CNTNAP5: variants seen among roughly 807,000 people sequenced by gnomAD.
CNTNAP5 encodes contactin-associated protein-like 5.
A neutral mutation model predicts 150.2 loss-of-function variants in CNTNAP5; 72 were observed. The observed-to-expected ratio is 0.48, with a 90% CI of 0.40 to 0.58. The LOEUF is 0.58. CNTNAP5 is among the 20% of genes least tolerant of loss of function. The pLI is 0.00. For missense variants in CNTNAP5, 1,636 were observed against 1,626.2 expected, an observed-to-expected ratio of 1.01 and a Z score of -0.10; for synonymous variants, 672 against 619.8, an observed-to-expected ratio of 1.08 and a Z score of -1.25.
chr2:124,528,808 G>T (rs1308247070), intron 10 of CNTNAP5, among the ~76,000 whole-genome samples: 1 of 152,088 alleles, frequency 6.6e-6, no homozygotes, highest in Non-Finnish European at 1.5e-5. Context: ...TCAAGAAGAA[G>T]TGAGAAAGGT....
At chr2:124,383,016 T>C (rs918379656) in intron 3 of CNTNAP5, among the ~76,000 whole-genome samples, 1 of 152,184 alleles carries the variant, frequency 6.6e-6, no homozygotes, top group Non-Finnish European at 1.5e-5. Flanking sequence ...ACAAACCCGC[T>C]GCGAAGTTGC....
At chr2:124,750,674 GTGGT>G (rs1283579077) in intron 14 of CNTNAP5, among the ~76,000 whole-genome samples, 5 of 152,018 alleles carry the variant, frequency 3.3e-5, no homozygotes, top group African/African-American at 1.2e-4. Context: ...AAAAGTAATG[GTGGT>G]TTTTGTCATT....
rs1458393951 is a variant in CNTNAP5, at chr2:124,261,523, T to C, written c.381+19130T>C. ...GAAGCAGCAGCAGCAGTAGCATCGA[T>C]AGCATTTCCCAATACCCCTACTCCT... is the stretch of plus-strand genomic sequence containing the variant. On this transcript the variant is annotated intron_variant, in intron 3 of 23. Coordinates refer to ENST00000682447, the MANE Select transcript of CNTNAP5 (RefSeq NM_001367498.1). Among the ~76,000 whole-genome samples, 6 of 152,170 alleles carry C rather than the reference T, an allele frequency of 3.9e-5. No individual in the cohort carries two copies. The South Asian group carries it at 8.3e-4, about 21-fold the overall frequency.
chr2:124,305,072 C>T (rs11686914), intron 3 of CNTNAP5, among the ~76,000 whole-genome samples: 1 of 142,954 alleles, frequency 7.0e-6, no homozygotes. Context: ...TTAAGACCAG[C>T]CTGGGCAATA....
chr2:124,667,035 G>T (rs6750530), intron 13 of CNTNAP5, among the ~76,000 whole-genome samples: 84,226 of 151,972 alleles, frequency 0.55, 23,910 homozygotes, highest in Non-Finnish European at 0.62. Flanking sequence ...GGGGAAACAT[G>T]AGCAATGATT....
At chr2:124,555,429 C>A (rs1695729891) in intron 10 of CNTNAP5, among the ~76,000 whole-genome samples, 1 of 152,172 alleles carries the variant, frequency 6.6e-6, no homozygotes, top group South Asian at 2.1e-4. Flanking sequence ...CCACAGTTGG[C>A]TGACCATGAA....
intron 13 of CNTNAP5, among the ~76,000 whole-genome samples, chr2:124,715,017 C>T (rs1281103763): frequency 6.6e-6 from 1 of 152,132 alleles, no homozygotes; most frequent in African/African-American, 2.4e-5. Flanking sequence ...GACAGGACTA[C>T]CATGAATAAG....
At chr2:124,464,502 CA>C in intron 6 of CNTNAP5, among the ~76,000 whole-genome samples, 1 of 152,078 alleles carries the variant, frequency 6.6e-6, no homozygotes, top group Non-Finnish European at 1.5e-5. Flanking sequence ...AAAAATAAGG[CA>C]TGATATGTAC....
chr2:124,911,448 T>C lies in CNTNAP5; in HGVS notation c.3656-19T>C, dbSNP rs144677444. On this transcript the variant is annotated intron_variant, in intron 22 of 23. Transcript: ENST00000682447. ...GCTTTGAGTGAGAAGTAAAGTCCCA[T>C]GTCTTTTACTCCTTTCAGATCCTTT... 2.6e-4 allele frequency: 402 copies of C among 1,564,994 alleles called. 2 individuals are homozygous for C. In the African/African-American group the frequency reaches 5.0e-3, roughly 19 times the overall value.
At chr2:124,703,277 T>G (rs1042725323) in intron 13 of CNTNAP5, among the ~76,000 whole-genome samples, 3 of 151,910 alleles carry the variant, frequency 2.0e-5, no homozygotes, top group Non-Finnish European at 4.4e-5. Context: ...CTGTCTGCCT[T>G]CCTTCCTTAT....
In CNTNAP5 at chr2:124,492,650, T is replaced by C. The variant is rs79928634; in HGVS notation, c.1063-11642T>C. ...AATTTGATAGGGATTATATTAAATATACAGATGACTTTGGGTAGTATGAAC... is the reference window on the plus strand; with the variant it reads ...AATTTGATAGGGATTATATTAAATACACAGATGACTTTGGGTAGTATGAAC... On this transcript the variant is annotated intron_variant, in intron 7 of 23. Coordinates refer to ENST00000682447, the MANE Select transcript of CNTNAP5 (RefSeq NM_001367498.1). Among the ~76,000 whole-genome samples the C allele has an allele frequency of 9.2e-5, 14 of 152,326 alleles. No individual in the cohort carries two copies. The East Asian group carries it at 2.7e-3, about 29-fold the overall frequency.
chr2:124,085,600 T>G (rs1682669106), intron 1 of CNTNAP5, among the ~76,000 whole-genome samples: 1 of 152,206 alleles, frequency 6.6e-6, no homozygotes, highest in Non-Finnish European at 1.5e-5. Context: ...GCTTGCAGCT[T>G]GGATGATTGA....
chr2:124,548,441 A>G (rs1204445569), intron 10 of CNTNAP5, among the ~76,000 whole-genome samples: 1 of 152,214 alleles, frequency 6.6e-6, no homozygotes, highest in South Asian at 2.1e-4. Flanking sequence ...ACTCCATGAA[A>G]CCAGGTTTGC....
chr2:124,477,023 C>T (rs1010572348), intron 7 of CNTNAP5, among the ~76,000 whole-genome samples: 4 of 152,116 alleles, frequency 2.6e-5, no homozygotes, highest in Middle Eastern at 3.4e-3. Context: ...TTTATATATC[C>T]TTTATTTCTT....
chr2:124,563,562 C>G (rs1443693547), intron 11 of CNTNAP5, among the ~76,000 whole-genome samples: 1 of 152,146 alleles, frequency 6.6e-6, no homozygotes, highest in Non-Finnish European at 1.5e-5. Context: ...GAGATCATGA[C>G]AGTACAGTTG....
At chr2:124,751,085 G>A (rs1341614122) in intron 14 of CNTNAP5, among the ~76,000 whole-genome samples, 1 of 151,494 alleles carries the variant, frequency 6.6e-6, no homozygotes, top group Non-Finnish European at 1.5e-5. Flanking sequence ...AGAGAAATAA[G>A]CACAGATGTG....
At chr2:124,416,461 G>A (rs983605510) in intron 3 of CNTNAP5, among the ~76,000 whole-genome samples, 3 of 151,632 alleles carry the variant, frequency 2.0e-5, no homozygotes, top group Non-Finnish European at 4.4e-5. Flanking sequence ...AATATTAGTA[G>A]ACCACATAGC....
intron 14 of CNTNAP5, among the ~76,000 whole-genome samples, chr2:124,753,651 T>A (rs892516157): frequency 6.6e-6 from 1 of 152,214 alleles, no homozygotes; most frequent in African/African-American, 2.4e-5. Context: ...AGGGTTTTCT[T>A]AATTTGCCAA....
chr2:124,785,397 G>C (rs551504055), intron 17 of CNTNAP5, among the ~76,000 whole-genome samples: 162 of 152,272 alleles, frequency 1.1e-3, no homozygotes, highest in African/African-American at 3.8e-3. Flanking sequence ...AGAATTTTTA[G>C]AAGTATTTTT....
Sources: gnomAD v4.1 joint callset for allele counts (sites outside exome capture counted in the v4.1 genomes callset) on GRCh38, gnomAD v4.1.1 for gene constraint, MANE v1.5 for transcripts, NCBI Gene and HGNC (gene_info 2026-07-23, HGNC 2026-07-21) for gene names.